The following GOLGA1 variants were observed in gnomAD, a reference collection of about 807,000 sequenced individuals.
GOLGA1 encodes the protein golgin A1.
A neutral mutation model predicts 119.7 loss-of-function variants in GOLGA1; 63 were observed. The observed-to-expected ratio is 0.53, with a 90% CI of 0.43 to 0.65. The LOEUF is 0.65. GOLGA1 is among the 30% of genes least tolerant of loss of function. The pLI is 0.00. For missense variants in GOLGA1, 798 were observed against 912.8 expected, an observed-to-expected ratio of 0.87 and a Z score of 1.62; for synonymous variants, 318 against 333.4, an observed-to-expected ratio of 0.95 and a Z score of 0.50.
chr9:124,912,738 T>C (rs1406756870), intron 10 of GOLGA1, among the ~76,000 whole-genome samples: 1 of 152,112 alleles, frequency 6.6e-6, no homozygotes, highest in Non-Finnish European at 1.5e-5. Flanking sequence ...GAGACGGGGT[T>C]TCACCATATT....
rs1829766398 is a variant in GOLGA1, at chr9:124,888,089, G to C, written c.1905+164C>G. Among the ~76,000 whole-genome samples, 1 of 152,162 alleles carries C rather than the reference G, an allele frequency of 6.6e-6. No homozygotes were observed. Among genetic ancestry groups the C allele is most frequent in the South Asian group, 2.1e-4 (1 of 4,830 alleles). ...GGAGGGTGTGGAGGAGGACAGTGCAGGAGGAACGGAAGATCAGGAGGAAGG... is the reference window on the plus strand; with the variant it reads ...GGAGGGTGTGGAGGAGGACAGTGCACGAGGAACGGAAGATCAGGAGGAAGG... On this transcript the variant is annotated intron_variant, in intron 19 of 22. Transcript: ENST00000373555. The surrounding 1 kb of genome is among the most constrained non-coding windows in gnomAD (Gnocchi z 4.4).
chr9:124,908,410 G>A lies in GOLGA1; in HGVS notation c.1032C>T (p.Ser344=). 6.2e-7 allele frequency: 1 copy of A among 1,609,274 alleles called. No individual in the cohort carries two copies. The highest frequency in any genetic ancestry group is 8.5e-7 in the Non-Finnish European group (1 of 1,175,540). The change falls in exon 12 of 23, where the codon AGC becomes AGT. Residue 344 remains serine, a synonymous_variant. Transcript: ENST00000373555. ...CCAGGGTGTTAATGGCCTTAGCCTGGCTGCTTCTGGCTGCCAAGAGCTGTT... is the reference window on the plus strand; with the variant it reads ...CCAGGGTGTTAATGGCCTTAGCCTGACTGCTTCTGGCTGCCAAGAGCTGTT... ...TRQQLLAARS[S]QAKAINTLET...
At chr9:124,912,978 G>A (rs1830369524) in intron 10 of GOLGA1, among the ~76,000 whole-genome samples, 2 of 152,316 alleles carry the variant, frequency 1.3e-5, no homozygotes, top group South Asian at 2.1e-4. Context: ...ACCTGAGACT[G>A]AGTAATTTAT....
chr9:124,907,963 G>A (rs1276871875), intron 12 of GOLGA1, among the ~76,000 whole-genome samples: 6 of 152,158 alleles, frequency 3.9e-5, no homozygotes, highest in African/African-American at 1.4e-4. Context: ...CAATCTGGAT[G>A]TCTACCACAT....
chr9:124,897,625 GC>G (rs1359349614), intron 15 of GOLGA1, among the ~76,000 whole-genome samples: 1 of 152,126 alleles, frequency 6.6e-6, no homozygotes, highest in African/African-American at 2.4e-5. Context: ...AGAGGCGTGA[GC>G]CACCGCACTG....
At chr9:124,902,181 G>A (rs1039778805) in intron 12 of GOLGA1, among the ~76,000 whole-genome samples, 3 of 151,950 alleles carry the variant, frequency 2.0e-5, no homozygotes, top group African/African-American at 4.8e-5. Context: ...GCATGATCTC[G>A]GCTCACTGCA....
intron 19 of GOLGA1, among the ~76,000 whole-genome samples, chr9:124,885,497 AAAAAG>A (rs1203268353): frequency 6.6e-6 from 1 of 151,930 alleles, no homozygotes; most frequent in African/African-American, 2.4e-5. Flanking sequence ...AAAAAAAAAA[AAAAAG>A]AAATCAATAA....
Position 124,938,835 on chromosome 9 carries a change from A to C in GOLGA1, c.-124T>G. 1.4e-6 allele frequency: 1 copy of C among 711,996 alleles called. No individual in the cohort carries two copies. The highest frequency in any genetic ancestry group is 2.3e-6 in the Non-Finnish European group (1 of 438,458). 44.1% of individuals were successfully genotyped at this position (711,996 alleles called of 1,614,324 possible). On this transcript the variant is annotated 5_prime_UTR_variant, in exon 3 of 23. Coordinates refer to ENST00000373555, the MANE Select transcript of GOLGA1 (RefSeq NM_002077.4). ...CCAAGCTAGCTGCATTCCCACTTAA[A>C]TGTGGGCCAAGGGCTTATGGCAACA...
In GOLGA1 at chr9:124,913,504, T is replaced by C. The variant is rs569032912; in HGVS notation, c.844-1478A>G. On this transcript the variant is annotated intron_variant, in intron 10 of 22. Transcript: ENST00000373555. Reference sequence around the variant, plus strand: ...AGCCATAAACTTTCATGTTCAGTTGTAACTTGGCCGATCTCTCCTCAGGAT... The same window carrying C: ...AGCCATAAACTTTCATGTTCAGTTGCAACTTGGCCGATCTCTCCTCAGGAT... Among the ~76,000 whole-genome samples the C allele has an allele frequency of 1.3e-5, 2 of 152,328 alleles. 1 individual carries two copies. The highest frequency in any genetic ancestry group is 4.8e-5 in the African/African-American group (2 of 41,572).
chr9:124,908,786 A>C (rs1230110632), intron 11 of GOLGA1, among the ~76,000 whole-genome samples: 1 of 152,194 alleles, frequency 6.6e-6, no homozygotes, highest in Non-Finnish European at 1.5e-5. Context: ...CAGCTTTAGA[A>C]CTCACAAAGT....
chr9:124,944,623 T>C (rs901398066), upstream of GOLGA1: 2 of 152,042 alleles, frequency 1.3e-5, no homozygotes, highest in Non-Finnish European at 2.9e-5. Context: ...CAGTACATAG[T>C]TTTAATTTAG....
At chr9:124,918,098 T>C (rs1830489507) in intron 10 of GOLGA1, among the ~76,000 whole-genome samples, 1 of 152,158 alleles carries the variant, frequency 6.6e-6, no homozygotes, top group East Asian at 1.9e-4. Context: ...GTGATCCACC[T>C]GCCTCGGCCT....
At chr9:124,938,082 C>CAAAAAAAAAAA (rs200357362) in intron 3 of GOLGA1, among the ~76,000 whole-genome samples, 1 of 66,106 alleles carries the variant, frequency 1.5e-5, no homozygotes, top group Non-Finnish European at 3.3e-5. Flanking sequence ...GAATCCATCT[C>CAAAAAAAAAAA]AAAAAAAAAA....
At chr9:124,895,938 G>C (rs530133229) in intron 15 of GOLGA1, among the ~76,000 whole-genome samples, 1 of 148,140 alleles carries the variant, frequency 6.8e-6, no homozygotes, top group African/African-American at 2.4e-5. Context: ...CTCCACAACA[G>C]AGACCCTCTA....
intron 18 of GOLGA1, 94 bp downstream of exon 18, chr9:124,889,049 C>T (rs781413893): frequency 5.1e-6 from 5 of 977,394 alleles, no homozygotes; most frequent in Admixed American, 2.3e-5. Flanking sequence ...GCGTCGTGTC[C>T]ACCATGTGTC....
chr9:124,917,687 T>C (rs989272251), intron 10 of GOLGA1, among the ~76,000 whole-genome samples: 1 of 152,172 alleles, frequency 6.6e-6, no homozygotes, highest in South Asian at 2.1e-4. Flanking sequence ...GGCTTTCTTC[T>C]AGTTCCTTGA....
At chr9:124,914,411 G>C (rs955023972) in intron 10 of GOLGA1, among the ~76,000 whole-genome samples, 19 of 152,292 alleles carry the variant, frequency 1.2e-4, no homozygotes, top group African/African-American at 4.6e-4. Context: ...TGAGGCGGGA[G>C]AACGGCGTGA....
chr9:124,934,027 T>A (rs1392904537), intron 3 of GOLGA1, among the ~76,000 whole-genome samples: 1 of 152,136 alleles, frequency 6.6e-6, no homozygotes. Context: ...TGAGTCCTCC[T>A]AGTGAATAAT....
chr9:124,920,557 A>G (rs1271565986), intron 10 of GOLGA1, among the ~76,000 whole-genome samples: 1 of 152,198 alleles, frequency 6.6e-6, no homozygotes, highest in Non-Finnish European at 1.5e-5. Context: ...ACTGGATTAG[A>G]GCCAAGTATG....
Sources: allele counts gnomAD v4.1 joint callset (sites outside exome capture counted in the v4.1 genomes callset), GRCh38; gene constraint gnomAD v4.1.1; non-coding constraint Gnocchi (gnomAD v3.1); transcripts MANE v1.5; gene names NCBI Gene and HGNC (gene_info 2026-07-23, HGNC 2026-07-21).